CPD: variants seen among roughly 807,000 people sequenced by gnomAD.
CPD encodes metallocarboxypeptidase D.
In CPD, 69 loss-of-function variants were observed where a neutral mutation model predicts 138.3. That is an observed-to-expected ratio of 0.50 (90% CI 0.41 to 0.61). CPD has a LOEUF of 0.61. Among genes scored for constraint, CPD ranks in the 20% least tolerant of loss-of-function variants. The probability of loss-of-function intolerance (pLI) is 0.00; values close to 1 mark genes in which losing one functional copy is unlikely to be tolerated. For missense variants in CPD, 1,432 were observed against 1,733.3 expected, an observed-to-expected ratio of 0.83 and a Z score of 3.09; for synonymous variants, 651 against 642.1, an observed-to-expected ratio of 1.01 and a Z score of -0.21.
chr17:30,462,731 G>A (rs557381563), intron 20 of CPD, among the ~76,000 whole-genome samples: 18 of 152,274 alleles, frequency 1.2e-4, no homozygotes, highest in Admixed American at 7.8e-4. Context: ...ATATAGAGGT[G>A]TCAAGTGGGA....
intron 2 of CPD, among the ~76,000 whole-genome samples, chr17:30,418,591 T>C (rs1174939703): frequency 6.6e-6 from 1 of 152,068 alleles, no homozygotes; most frequent in Non-Finnish European, 1.5e-5. Context: ...AAATTTACCA[T>C]TGTAACTGTT....
intron 19 of CPD, 65 bp downstream of exon 19, chr17:30,462,127 T>A: frequency 1.5e-6 from 2 of 1,371,748 alleles, no homozygotes; most frequent in Non-Finnish European, 2.0e-6. Flanking sequence ...CTGTTTTATT[T>A]TGAAACTCTT....
chr17:30,405,175 CA>C (rs1911774150), intron 2 of CPD, among the ~76,000 whole-genome samples: 1 of 151,882 alleles, frequency 6.6e-6, no homozygotes. Context: ...TTGAGGGCTT[CA>C]ATATTTAAAG....
At chr17:30,430,661 C>A (rs578074259) in intron 7 of CPD, among the ~76,000 whole-genome samples, 57 of 151,980 alleles carry the variant, frequency 3.8e-4, no homozygotes, top group African/African-American at 1.2e-3. Context: ...CCCCGTGCCC[C>A]CCTTGTTTTG....
Position 30,421,660 on chromosome 17 carries a change from T to C in CPD, c.1138-4T>C, listed in dbSNP as rs1451633285. 1 of 1,613,170 alleles carries C rather than the reference T, an allele frequency of 6.2e-7. No individual in the cohort carries two copies. Among genetic ancestry groups the C allele is most frequent in the Non-Finnish European group, 8.5e-7 (1 of 1,179,574 alleles). On this transcript the variant is annotated splice_region_variant and splice_polypyrimidine_tract_variant and intron_variant, in intron 3 of 20. Transcript: ENST00000225719. ...TCTCTGAGCTTGGATTCTTGTCTTC[T>C]TAGGTTCACATTGGAGTGAAAGGAT...
chr17:30,388,620 G>A (rs1025098641), intron 2 of CPD, among the ~76,000 whole-genome samples: 3 of 152,216 alleles, frequency 2.0e-5, no homozygotes, highest in Non-Finnish European at 4.4e-5. Context: ...AAGCCTGCAA[G>A]GGTAAGGGGG....
chr17:30,381,442 T>C (rs904237264), intron 1 of CPD, among the ~76,000 whole-genome samples: 1 of 152,240 alleles, frequency 6.6e-6, no homozygotes, highest in Non-Finnish European at 1.5e-5. Flanking sequence ...GCCTTGAGGC[T>C]ATACAGAGTC....
chr17:30,455,587 A>C, intron 15 of CPD, 117 bp downstream of exon 15: 2 of 1,136,666 alleles, frequency 1.8e-6, no homozygotes, highest in South Asian at 3.0e-5. Context: ...CTCTATGAGC[A>C]AATTACCAAC....
intron 2 of CPD, among the ~76,000 whole-genome samples, chr17:30,387,079 A>G (rs766212120): frequency 6.6e-6 from 1 of 152,172 alleles, no homozygotes; most frequent in Non-Finnish European, 1.5e-5. Flanking sequence ...AAGAATTCCA[A>G]TTTCTTATGA....
chr17:30,451,456 G>A (rs1240577799), intron 13 of CPD, among the ~76,000 whole-genome samples: 1 of 152,236 alleles, frequency 6.6e-6, no homozygotes, highest in South Asian at 2.1e-4. Flanking sequence ...GATTTGGCCT[G>A]CTGTTAGTGG....
intron 2 of CPD, among the ~76,000 whole-genome samples, chr17:30,405,742 AT>A (rs1567870165): frequency 6.6e-6 from 1 of 151,992 alleles, no homozygotes; most frequent in African/African-American, 2.4e-5. Flanking sequence ...AACCACTCTT[AT>A]TTTTTAATTT....
In CPD at chr17:30,379,229, T is replaced by C. The variant is rs1170273826; in HGVS notation, c.249T>C (p.Phe83=). The change falls in exon 1 of 21, where the codon TTT becomes TTC. Residue 83 remains phenylalanine, a synonymous_variant. Transcript: ENST00000225719. The surrounding 1 kb of genome is among the most constrained non-coding windows in gnomAD (Gnocchi z 7.0). ...GCCTCCCCGGCCTGGCCCGCCTCTTTAGCATCGGCCGCTCGGTGGAAGGCC... is the reference window on the plus strand; with the variant it reads ...GCCTCCCCGGCCTGGCCCGCCTCTTCAGCATCGGCCGCTCGGTGGAAGGCC... ...AAGLPGLARL[F]SIGRSVEGRP... is the part of the protein sequence containing the mutation. The C allele has an allele frequency of 5.9e-6, 9 of 1,524,114 alleles. No homozygotes were observed. The Admixed American group carries it at 1.6e-4, about 27-fold the overall frequency. The allele number at this position is 1,524,114 out of a possible 1,614,324, so 94.4% of individuals were successfully genotyped here.
chr17:30,429,793 T>G (rs994660809), intron 7 of CPD, among the ~76,000 whole-genome samples: 1 of 152,110 alleles, frequency 6.6e-6, no homozygotes, highest in Non-Finnish European at 1.5e-5. Flanking sequence ...GGAAAGTGAC[T>G]AGGAAATATG....
chr17:30,379,186 G>A lies in CPD; in HGVS notation c.206G>A (p.Arg69Lys), dbSNP rs1910971275. The A allele has an allele frequency of 2.0e-6, 3 of 1,532,280 alleles. No individual in the cohort carries two copies. The highest frequency in any genetic ancestry group is 2.6e-6 in the Non-Finnish European group (3 of 1,143,616). The allele number at this position is 1,532,280 out of a possible 1,614,324, so 94.9% of individuals were successfully genotyped here. The change falls in exon 1 of 21, where the codon AGG (arginine) becomes AAG (lysine). Residue 69 changes from arginine (R) to lysine (K), a missense_variant. This residue lies in a region of CPD where 484 missense variants were observed against 477.2 expected (regional missense o/e 1.01). Transcript: ENST00000225719. This position sits in a 1 kb window ranked among gnomAD's most constrained non-coding sequence, Gnocchi z 7.0. ...GAAGAGGAGTTGGAGTCGGCGCTGAGGGAGGCGGCGGCCGCGGGCCTCCCC... is the reference window on the plus strand; with the variant it reads ...GAAGAGGAGTTGGAGTCGGCGCTGAAGGAGGCGGCGGCCGCGGGCCTCCCC... ...YHEEELESAL[R>K]EAAAAGLPGL...
chr17:30,456,693 T>G, intron 17 of CPD, 167 bp downstream of exon 17: 1 of 574,012 alleles, frequency 1.7e-6, no homozygotes, highest in Non-Finnish European at 3.1e-6. Flanking sequence ...AATATAAAAA[T>G]TAGCTGGGTG....
intron 3 of CPD, 36 bp from the exon 4 acceptor site, chr17:30,421,628 T>G (rs1912267577): frequency 6.2e-7 from 1 of 1,602,986 alleles, no homozygotes; most frequent in African/African-American, 1.3e-5. Context: ...GCCTTCCAAA[T>G]TCACCGTCTC....
At chr17:30,450,653 G>A (rs1275826192) in intron 13 of CPD, among the ~76,000 whole-genome samples, 1 of 152,154 alleles carries the variant, frequency 6.6e-6, no homozygotes. Context: ...GAGGCCAGGC[G>A]TTTGAGACCA....
Position 30,418,157 on chromosome 17 carries a change from A to G in CPD, c.995-2684A>G, listed in dbSNP as rs1234300160. On this transcript the variant is annotated intron_variant, in intron 2 of 20. Coordinates refer to ENST00000225719, the MANE Select transcript of CPD (RefSeq NM_001304.5). ...AAATTGAAATTAGTGGCATAGACCC[A>G]TAATATCTCTATTATTAATATCATT... Among the ~76,000 whole-genome samples the G allele has an allele frequency of 9.2e-5, 14 of 151,776 alleles. No homozygotes were observed. In the Admixed American group the frequency reaches 9.2e-4, roughly 10 times the overall value.
intron 2 of CPD, among the ~76,000 whole-genome samples, chr17:30,398,238 C>T (rs72624993): frequency 0.28 from 15,390 of 55,188 alleles, 1,144 homozygotes; most frequent in African/African-American, 0.46. Flanking sequence ...TAGAATAGAA[C>T]AGAATAGAAT....
Sources: allele counts gnomAD v4.1 joint callset (sites outside exome capture counted in the v4.1 genomes callset), GRCh38; gene constraint gnomAD v4.1.1; regional missense constraint gnomAD v4.1.1; non-coding constraint Gnocchi (gnomAD v3.1); transcripts MANE v1.5; gene names NCBI Gene and HGNC (gene_info 2026-07-23, HGNC 2026-07-21).